CALN1: variants seen among roughly 807,000 people sequenced by gnomAD.
The protein encoded by CALN1 is calcium-binding protein 8.
CALN1 carries 17 observed loss-of-function variants against 30.6 expected under a neutral mutation model. The ratio of observed to expected loss-of-function variants is 0.56; its 90% confidence interval spans 0.38 to 0.83. The LOEUF is 0.83. Ranked by LOEUF, CALN1 falls within the 40% of genes least tolerant of loss-of-function variation. The pLI, the probability that CALN1 is intolerant of heterozygous loss-of-function variation, is 0.00. For missense variants in CALN1, 291 were observed against 354.9 expected, an observed-to-expected ratio of 0.82 and a Z score of 1.45; for synonymous variants, 156 against 131.4, an observed-to-expected ratio of 1.19 and a Z score of -1.28.
intron 2 of CALN1, among the ~76,000 whole-genome samples, chr7:72,382,915 A>C (rs1243436759): frequency 1.3e-5 from 2 of 152,092 alleles, no homozygotes; most frequent in Non-Finnish European, 2.9e-5. Context: ...CAGCCTCCCA[A>C]GTAGCTGGGA....
chr7:71,813,880 G>A (rs1390247415), intron 5 of CALN1, among the ~76,000 whole-genome samples: 1 of 145,312 alleles, frequency 6.9e-6, no homozygotes, highest in African/African-American at 2.6e-5. Flanking sequence ...GCAGTGAGCC[G>A]ACATTGTGTC....
chr7:71,793,237 CAGAGGTTGT>C (rs1463195226), intron 6 of CALN1, among the ~76,000 whole-genome samples: 1 of 152,022 alleles, frequency 6.6e-6, no homozygotes, highest in East Asian at 1.9e-4. Context: ...ACCCAAGAGG[CAGAGGTTGT>C]AGTGAGCCGA....
chr7:72,270,914 G>A (rs1486656751), intron 3 of CALN1, among the ~76,000 whole-genome samples: 1 of 152,238 alleles, frequency 6.6e-6, no homozygotes, highest in African/African-American at 2.4e-5. Context: ...CAGCTCCAGT[G>A]AATGCTGTTG....
At chr7:71,965,208 C>A (rs1292658302) in intron 5 of CALN1, among the ~76,000 whole-genome samples, 1 of 151,968 alleles carries the variant, frequency 6.6e-6, no homozygotes, top group African/African-American at 2.4e-5. Context: ...TTTTATTATT[C>A]TTTATAGAAA....
chr7:72,271,563 T>TAAAAAAAAAAAAAAA (rs1426004146), intron 3 of CALN1, among the ~76,000 whole-genome samples: 23 of 76,252 alleles, frequency 3.0e-4, no homozygotes, highest in Non-Finnish European at 3.8e-4. Context: ...TGCCTGCCTT[T>TAAAAAAAAAAAAAAA]TAAAAAAAAA....
intron 3 of CALN1, among the ~76,000 whole-genome samples, chr7:72,205,571 T>TATACAC (rs1791802394): frequency 8.2e-6 from 1 of 122,428 alleles, no homozygotes; most frequent in African/African-American, 3.6e-5. Context: ...TATATATGTA[T>TATACAC]ATATATATAT....
intron 5 of CALN1, among the ~76,000 whole-genome samples, chr7:71,890,107 T>C (rs1314999371): frequency 1.1e-4 from 17 of 152,184 alleles, no homozygotes; most frequent in Admixed American, 1.0e-3. Context: ...AGAGCTTTTA[T>C]TTATTTATTT....
intron 3 of CALN1, among the ~76,000 whole-genome samples, chr7:72,200,321 C>A (rs1196294370): frequency 1.3e-5 from 2 of 152,166 alleles, no homozygotes; most frequent in Non-Finnish European, 2.9e-5. Flanking sequence ...CTTAACCTCT[C>A]CAAGCCTCCT....
intron 5 of CALN1, among the ~76,000 whole-genome samples, chr7:71,914,992 GATAT>G (rs1794614179): frequency 6.6e-6 from 1 of 152,144 alleles, no homozygotes. Flanking sequence ...CTTACTGAAG[GATAT>G]ATACCCTACA....
intron 4 of CALN1, among the ~76,000 whole-genome samples, chr7:72,100,276 AGT>A (rs1432445979): frequency 6.6e-6 from 1 of 151,880 alleles, no homozygotes; most frequent in Non-Finnish European, 1.5e-5. Context: ...CTCCTCCATC[AGT>A]GTCAACAATC....
intron 4 of CALN1, among the ~76,000 whole-genome samples, chr7:72,064,584 T>C (rs1264958222): frequency 1.3e-5 from 2 of 152,184 alleles, no homozygotes; most frequent in Non-Finnish European, 2.9e-5. Flanking sequence ...TCATATATTT[T>C]GCAACAACTA....
At chr7:72,198,186 TTGTC>T (rs1484266728) in intron 3 of CALN1, among the ~76,000 whole-genome samples, 3 of 152,200 alleles carry the variant, frequency 2.0e-5, no homozygotes, top group Non-Finnish European at 2.9e-5. Flanking sequence ...GAGGAAGAAT[TTGTC>T]TGAGTAATTC....
intron 5 of CALN1, among the ~76,000 whole-genome samples, chr7:71,915,653 G>C (rs1204999576): frequency 6.6e-6 from 1 of 152,174 alleles, no homozygotes; most frequent in African/African-American, 2.4e-5. Context: ...AGAATCACTT[G>C]AACAGGGGAG....
intron 5 of CALN1, among the ~76,000 whole-genome samples, chr7:71,833,748 G>T (rs143569751): frequency 4.1e-4 from 62 of 151,996 alleles, no homozygotes; most frequent in African/African-American, 1.5e-3. Flanking sequence ...ACACCCCTGT[G>T]CCCCTCTAAA....
intron 5 of CALN1, among the ~76,000 whole-genome samples, chr7:71,959,625 T>A (rs1471798558): frequency 1.4e-5 from 2 of 140,482 alleles, no homozygotes; most frequent in African/African-American, 2.5e-5. Context: ...TTTCCAGCTT[T>A]TTTTTTTTTT....
intron 5 of CALN1, among the ~76,000 whole-genome samples, chr7:71,876,990 T>C (rs952518270): frequency 3.3e-5 from 5 of 152,194 alleles, no homozygotes; most frequent in Non-Finnish European, 1.5e-5. Flanking sequence ...ACCTAAGCAA[T>C]CAATTAGAAC....
At chr7:72,083,385 T>G (rs1190402784) in intron 4 of CALN1, among the ~76,000 whole-genome samples, 1 of 151,554 alleles carries the variant, frequency 6.6e-6, no homozygotes, top group African/African-American at 2.4e-5. Context: ...TGGAAATTAT[T>G]TAAAAAGAAA....
chr7:72,100,092 G>T (rs1196274644), intron 4 of CALN1, among the ~76,000 whole-genome samples: 4 of 152,132 alleles, frequency 2.6e-5, no homozygotes, highest in Admixed American at 2.6e-4. Flanking sequence ...TCCAATGAGA[G>T]AATATACAAA....
At chr7:71,869,448 G>C (rs1202463501) in intron 5 of CALN1, among the ~76,000 whole-genome samples, 1 of 152,146 alleles carries the variant, frequency 6.6e-6, no homozygotes, top group Non-Finnish European at 1.5e-5. Context: ...CTGACCTCAG[G>C]TGATCTGCCT....
Sources: gnomAD v4.1 joint callset for allele counts (sites outside exome capture counted in the v4.1 genomes callset) on GRCh38, gnomAD v4.1.1 for gene constraint, MANE v1.5 for transcripts, NCBI Gene and HGNC (gene_info 2026-07-23, HGNC 2026-07-21) for gene names.